Variants in ELAPOR2 observed in about 807,000 individuals in gnomAD.
ELAPOR2 encodes endosome-lysosome associated apoptosis and autophagy regulator family member 2, also known as endosome/lysosome-associated apoptosis and autophagy regulator family member 2.
Under a neutral mutation model 120.7 loss-of-function variants are expected in ELAPOR2, and 89 were observed. That is an observed-to-expected ratio of 0.74 (90% CI 0.62 to 0.88). The LOEUF (loss-of-function observed/expected upper bound fraction) is 0.88, where lower values mean the gene tolerates loss of function less well. Ranked by LOEUF, ELAPOR2 falls within the 40% of genes least tolerant of loss-of-function variation. The pLI is 0.00. For synonymous variants in ELAPOR2, 444 were observed against 444.9 expected (o/e 1.00, Z 0.03); for missense variants, 1,134 against 1,251.6 (o/e 0.91, Z 1.42).
chr7:87,044,051 G>T (rs1301390361), intron 1 of ELAPOR2, among the ~76,000 whole-genome samples: 1 of 132,302 alleles, frequency 7.6e-6, no homozygotes, highest in Non-Finnish European at 1.6e-5. Flanking sequence ...ACTTACAAGG[G>T]ATGTGAAGGA....
intron 1 of ELAPOR2, among the ~76,000 whole-genome samples, chr7:87,011,090 AC>A (rs1329195247): frequency 1.3e-5 from 2 of 151,764 alleles, no homozygotes; most frequent in Admixed American, 6.6e-5. Flanking sequence ...ACATGGTGAA[AC>A]CCCGTCTCCA....
At chr7:87,026,990 T>A (rs1215129449) in intron 1 of ELAPOR2, among the ~76,000 whole-genome samples, 1 of 152,114 alleles carries the variant, frequency 6.6e-6, no homozygotes, top group Admixed American at 6.6e-5. Context: ...CTATAATATT[T>A]TTCTTGGTGC....
chr7:87,030,086 A>G (rs370826389), intron 1 of ELAPOR2, among the ~76,000 whole-genome samples: 1 of 152,172 alleles, frequency 6.6e-6, no homozygotes, highest in African/African-American at 2.4e-5. Context: ...TTTTGAAGAG[A>G]TCAGGAAAAC....
rs760113580 is a variant in ELAPOR2 at position 86,919,326 on chromosome 7, G to A, written c.1400-16C>T. ...ACCTCCCAACCTAGAAGTAATAAAA[G>A]TCATTTTTATTAATAAAAATTCCAT... On this transcript the variant is annotated splice_polypyrimidine_tract_variant and intron_variant, in intron 10 of 21. Transcript: ENST00000450689. 1.1e-5 allele frequency: 16 copies of A among 1,502,480 alleles called. No homozygotes were observed. In the Admixed American group the frequency reaches 2.2e-4, roughly 21 times the overall value. 93.1% of individuals were successfully genotyped at this position (1,502,480 alleles called of 1,614,324 possible). A position where few individuals can be genotyped will look rare whatever the true frequency, so the allele number is the denominator to read the frequency against.
Position 86,944,872 on chromosome 7 carries a change from T to A in ELAPOR2, c.654+27A>T, listed in dbSNP as rs17161115. ...ATTTACATGAATGTCCCTTAAAAAG[T>A]AAATTCCAGAATACAAAAGGTCTTA... On this transcript the variant is annotated intron_variant, in intron 4 of 21. Transcript: ENST00000450689. 20,805 of 1,507,502 alleles carry A rather than the reference T, an allele frequency of 0.014. 2,442 individuals are homozygous for A. The African/African-American group carries it at 0.26, about 19-fold the overall frequency. The allele number at this position is 1,507,502 out of a possible 1,614,324, so 93.4% of individuals were successfully genotyped here.
At chr7:87,020,557 C>G (rs940072162) in intron 1 of ELAPOR2, among the ~76,000 whole-genome samples, 2 of 151,934 alleles carry the variant, frequency 1.3e-5, no homozygotes, top group Admixed American at 1.3e-4. Flanking sequence ...TATGTAACGT[C>G]CAGAATAGAT....
chr7:86,906,885 A>G (rs1228139343), intron 18 of ELAPOR2, among the ~76,000 whole-genome samples: 1 of 151,858 alleles, frequency 6.6e-6, no homozygotes, highest in African/African-American at 2.4e-5. Context: ...TAAAAATAAT[A>G]ATAATTTTTA....
chr7:87,005,916 A>C (rs1219976097), intron 1 of ELAPOR2, among the ~76,000 whole-genome samples: 2 of 152,190 alleles, frequency 1.3e-5, no homozygotes, highest in Non-Finnish European at 2.9e-5. Context: ...AAGAAAGGTA[A>C]ATAAGACTTT....
chr7:86,911,776 C>A, intron 15 of ELAPOR2: 2 of 522,928 alleles, frequency 3.8e-6, no homozygotes, highest in South Asian at 1.6e-5. Context: ...AGATTGACAA[C>A]CCTGACCCAT....
At chr7:86,955,984 AAG>A (rs1791455157) in intron 2 of ELAPOR2, among the ~76,000 whole-genome samples, 1 of 151,946 alleles carries the variant, frequency 6.6e-6, no homozygotes, top group Non-Finnish European at 1.5e-5. Context: ...AGAAAAGAAA[AAG>A]AAAAAAAGAA....
Position 86,942,122 on chromosome 7 carries a change from G to A in ELAPOR2, c.655-18C>T, listed in dbSNP as rs1584377462. ...TTTTGAATCTGTGGATTAAACACAA[G>A]AGCCCTAGTAAAGTGTCTTGAATAA... On this transcript the variant is annotated intron_variant, in intron 4 of 21. Coordinates refer to ENST00000450689, the MANE Select transcript of ELAPOR2 (RefSeq NM_001142749.3). 4 of 1,449,070 alleles carry A rather than the reference G, an allele frequency of 2.8e-6. No homozygotes were observed. In the East Asian group the frequency reaches 9.9e-5, roughly 36 times the overall value. The allele number at this position is 1,449,070 out of a possible 1,614,324, so 89.8% of individuals were successfully genotyped here. A position where few individuals can be genotyped will look rare whatever the true frequency, so the allele number is the denominator to read the frequency against.
At chr7:87,011,821 T>G (rs1793691086) in intron 1 of ELAPOR2, among the ~76,000 whole-genome samples, 1 of 152,204 alleles carries the variant, frequency 6.6e-6, no homozygotes, top group Non-Finnish European at 1.5e-5. Flanking sequence ...GTCTATATGT[T>G]TTAAATATTC....
chr7:87,007,583 A>G (rs781463267), intron 1 of ELAPOR2, among the ~76,000 whole-genome samples: 7 of 152,198 alleles, frequency 4.6e-5, no homozygotes, highest in Non-Finnish European at 7.4e-5. Context: ...AGTAGAACAA[A>G]CATGCTTGGT....
chr7:86,909,854 C>T lies in ELAPOR2; in HGVS notation c.2317G>A (p.Ala773Thr). 1 of 1,612,994 alleles carries T rather than the reference C, an allele frequency of 6.2e-7. No individual in the cohort carries two copies. The highest frequency in any genetic ancestry group is 8.5e-7 in the Non-Finnish European group (1 of 1,179,398). ...AGAATGATGGATTGTGATGATAAGG[C>T]TGCTCGGAAACCCTTACTTTCAGAA... ...IPSESKGFRAALSSQSIILAD... is the reference protein window; with the variant it reads ...IPSESKGFRATLSSQSIILAD... The change falls in exon 16 of 22, where the codon GCC becomes ACC. Residue 773 changes from alanine to threonine, a missense_variant. Coordinates refer to ENST00000450689, the MANE Select transcript of ELAPOR2 (RefSeq NM_001142749.3).
At chr7:87,049,407 G>A (rs983139891) in intron 1 of ELAPOR2, among the ~76,000 whole-genome samples, 6 of 151,820 alleles carry the variant, frequency 4.0e-5, no homozygotes, top group African/African-American at 9.7e-5. Context: ...TCAGCCTCCC[G>A]AGCAGCTGGA....
intron 1 of ELAPOR2, among the ~76,000 whole-genome samples, chr7:87,026,047 T>C (rs749429315): frequency 6.6e-6 from 1 of 152,152 alleles, no homozygotes; most frequent in Non-Finnish European, 1.5e-5. Flanking sequence ...CCTACGCATA[T>C]ATCTACTTCC....
chr7:87,036,487 A>G (rs1794591776), intron 1 of ELAPOR2, among the ~76,000 whole-genome samples: 1 of 152,162 alleles, frequency 6.6e-6, no homozygotes, highest in Admixed American at 6.6e-5. Flanking sequence ...ATCTTTAAAA[A>G]GGGTTTGCTG....
chr7:86,967,569 C>G (rs1791955624), intron 1 of ELAPOR2, among the ~76,000 whole-genome samples: 1 of 152,134 alleles, frequency 6.6e-6, no homozygotes, highest in African/African-American at 2.4e-5. Context: ...AATAATGATA[C>G]TGTGAAGTCA....
chr7:86,890,876 G>T (rs1332802851), intron 21 of ELAPOR2, among the ~76,000 whole-genome samples: 1 of 151,914 alleles, frequency 6.6e-6, no homozygotes, highest in Non-Finnish European at 1.5e-5. Context: ...CAAGGAAATG[G>T]TTACTATTAC....
Sources: gnomAD v4.1 joint callset for allele counts (sites outside exome capture counted in the v4.1 genomes callset) on GRCh38, gnomAD v4.1.1 for gene constraint, MANE v1.5 for transcripts, NCBI Gene and HGNC (gene_info 2026-07-23, HGNC 2026-07-21) for gene names.